GRM3: variants seen among roughly 807,000 people sequenced by gnomAD.
GRM3 encodes the protein metabotropic glutamate receptor 3.
In GRM3, 26 loss-of-function variants were observed where a neutral mutation model predicts 70.5. The observed-to-expected ratio is 0.37, with a 90% CI of 0.27 to 0.51. The LOEUF is 0.51. GRM3 is among the 20% of genes least tolerant of loss of function. The probability of loss-of-function intolerance (pLI) is 0.93; values close to 1 mark genes in which losing one functional copy is unlikely to be tolerated. For missense variants in GRM3, 859 were observed against 1,123.8 expected (o/e 0.76, Z 3.37); for synonymous variants, 443 against 434.9 (o/e 1.02, Z -0.23).
rs555551283 is a variant in GRM3, at chr7:86,824,064, G to C, written c.1325-14775G>C. Among the ~76,000 whole-genome samples the C allele has an allele frequency of 3.9e-5, 6 of 152,132 alleles. 1 individual carries two copies. The highest frequency in any genetic ancestry group is 7.4e-5 in the Non-Finnish European group (5 of 68,020). ...GAAGTGCAAAGGAGCGCATGAAGAC[G>C]ACCAAGGCCAGTTCTGAGAAGCTAG... On this transcript the variant is annotated intron_variant, in intron 3 of 5. Transcript: ENST00000361669.
intron 3 of GRM3, among the ~76,000 whole-genome samples, chr7:86,819,816 T>C (rs573523543): frequency 3.3e-5 from 5 of 152,264 alleles, no homozygotes; most frequent in South Asian, 2.1e-4. Flanking sequence ...TAGTCAAAAA[T>C]TCTCTTTCCA....
rs1046168386 is a variant in GRM3 at position 86,783,567 on chromosome 7, C to T, written c.469-2694C>T. On this transcript the variant is annotated intron_variant, in intron 2 of 5. Transcript: ENST00000361669. Reference sequence around the variant, plus strand: ...CCCAGTACATTGGTACTTGGTTTTACAACAGAATAAACACATTTTTTAAAT... The same window carrying T: ...CCCAGTACATTGGTACTTGGTTTTATAACAGAATAAACACATTTTTTAAAT... Among the ~76,000 whole-genome samples, 3 of 152,008 alleles carry T rather than the reference C, an allele frequency of 2.0e-5. No individual in the cohort carries two copies. In the East Asian group the frequency reaches 5.8e-4, roughly 29 times the overall value.
chr7:86,752,370 A>T (rs905923976), intron 1 of GRM3, among the ~76,000 whole-genome samples: 1 of 152,158 alleles, frequency 6.6e-6, no homozygotes, highest in Non-Finnish European at 1.5e-5. Context: ...TGAGTATAAT[A>T]CAAAGAAAGG....
At chr7:86,741,265 A>G (rs1795983927) in intron 1 of GRM3, among the ~76,000 whole-genome samples, 2 of 152,180 alleles carry the variant, frequency 1.3e-5, no homozygotes, top group African/African-American at 2.4e-5. Context: ...GAACTTACAT[A>G]CACGGTATTC....
intron 1 of GRM3, among the ~76,000 whole-genome samples, chr7:86,751,133 A>G (rs1584214601): frequency 6.6e-6 from 1 of 152,098 alleles, no homozygotes; most frequent in African/African-American, 2.4e-5. Flanking sequence ...AGACAGCCAC[A>G]TTCAAAGGTT....
intron 3 of GRM3, among the ~76,000 whole-genome samples, chr7:86,829,768 C>A (rs998708215): frequency 3.3e-5 from 5 of 152,056 alleles, no homozygotes; most frequent in Non-Finnish European, 7.4e-5. Flanking sequence ...ATCACTATTA[C>A]AGATATAATA....
At chr7:86,821,172 G>A (rs987374941) in intron 3 of GRM3, among the ~76,000 whole-genome samples, 25 of 121,028 alleles carry the variant, frequency 2.1e-4, no homozygotes, top group African/African-American at 1.0e-3. Flanking sequence ...CTGAATAAAG[G>A]GTTTTTTTTA....
At chr7:86,862,298 C>T (rs1227123524) in intron 5 of GRM3, among the ~76,000 whole-genome samples, 1 of 152,162 alleles carries the variant, frequency 6.6e-6, no homozygotes, top group East Asian at 1.9e-4. Context: ...TTTTGAATCT[C>T]ACTTTGCCTT....
intron 5 of GRM3, among the ~76,000 whole-genome samples, chr7:86,855,769 G>A (rs889767636): frequency 3.3e-5 from 5 of 152,112 alleles, no homozygotes; most frequent in African/African-American, 1.2e-4. Flanking sequence ...GTTAGCAAGG[G>A]GCAATGGCCT....
chr7:86,768,885 A>C (rs1290977859), intron 2 of GRM3, among the ~76,000 whole-genome samples: 1 of 152,070 alleles, frequency 6.6e-6, no homozygotes, highest in Non-Finnish European at 1.5e-5. Context: ...CCTTCAATAC[A>C]GGGTCCTGTA....
chr7:86,763,948 G>A (rs1312218255), intron 1 of GRM3, among the ~76,000 whole-genome samples: 3 of 152,166 alleles, frequency 2.0e-5, no homozygotes, highest in East Asian at 3.9e-4. Context: ...GGATAAGGAA[G>A]AAGTGGTAGC....
At chr7:86,746,375 A>ATATATATATATATATATATATATATATAT (rs1562846667) in intron 1 of GRM3, among the ~76,000 whole-genome samples, 1 of 137,158 alleles carries the variant, frequency 7.3e-6, no homozygotes, top group Non-Finnish European at 1.6e-5. Context: ...ATATATATAT[A>ATATATATATATATATATATATATATATAT]ATCACTTCAA....
intron 1 of GRM3, among the ~76,000 whole-genome samples, chr7:86,661,285 CT>C (rs1170567363): frequency 6.6e-6 from 1 of 151,958 alleles, no homozygotes; most frequent in African/African-American, 2.4e-5. Flanking sequence ...AGGGAATGCA[CT>C]GGGAGTAGGC....
chr7:86,784,160 T>C (rs997338706), intron 2 of GRM3: 1 of 152,154 alleles, frequency 6.6e-6, no homozygotes, highest in African/African-American at 2.4e-5. Context: ...TAAATTATTC[T>C]CGTACATCCT....
At chr7:86,835,593 G>T (rs1048089571) in intron 3 of GRM3, among the ~76,000 whole-genome samples, 3 of 152,190 alleles carry the variant, frequency 2.0e-5, no homozygotes, top group Admixed American at 6.6e-5. Context: ...CATTTAATAT[G>T]TTCAGTTTAT....
chr7:86,739,087 C>G (rs1445623919), intron 1 of GRM3, among the ~76,000 whole-genome samples: 1 of 152,184 alleles, frequency 6.6e-6, no homozygotes, highest in African/African-American at 2.4e-5. Context: ...AAGCAATTCT[C>G]CTGCCTCAGT....
intron 1 of GRM3, among the ~76,000 whole-genome samples, chr7:86,747,680 A>C (rs539188628): frequency 6.6e-6 from 1 of 152,088 alleles, no homozygotes; most frequent in African/African-American, 2.4e-5. Flanking sequence ...CTGCTTCTGC[A>C]TCCTTACACT....
At chr7:86,787,718 T>C (rs1797296964) in intron 3 of GRM3, among the ~76,000 whole-genome samples, 1 of 152,246 alleles carries the variant, frequency 6.6e-6, no homozygotes, top group Non-Finnish European at 1.5e-5. Context: ...TCTCAAAATA[T>C]GTTATGAAAT....
chr7:86,666,600 A>T (rs1794033185), intron 1 of GRM3, among the ~76,000 whole-genome samples: 1 of 152,020 alleles, frequency 6.6e-6, no homozygotes, highest in Non-Finnish European at 1.5e-5. Context: ...TGTTTTCATT[A>T]TTCAGATTCT....
Sources: allele counts gnomAD v4.1 joint callset (sites outside exome capture counted in the v4.1 genomes callset), GRCh38; gene constraint gnomAD v4.1.1; transcripts MANE v1.5; gene names NCBI Gene and HGNC (gene_info 2026-07-23, HGNC 2026-07-21).